VSTM4: variants seen among roughly 807,000 people sequenced by gnomAD.
VSTM4 encodes the protein V-set and transmembrane domain containing 4.
Under a neutral mutation model 36.4 loss-of-function variants are expected in VSTM4, and 20 were observed. The observed-to-expected ratio is 0.55, with a 90% CI of 0.39 to 0.80. VSTM4 has a LOEUF of 0.80. Ranked by LOEUF, VSTM4 falls within the 30% of genes least tolerant of loss-of-function variation. The pLI is 0.00. For synonymous variants in VSTM4, 182 were observed against 173.9 expected (o/e 1.05, Z -0.37); for missense variants, 392 against 404.5 (o/e 0.97, Z 0.26).
At chr10:49,080,967 T>C (rs1343192168) in intron 3 of VSTM4, among the ~76,000 whole-genome samples, 1 of 152,190 alleles carries the variant, frequency 6.6e-6, no homozygotes, top group Non-Finnish European at 1.5e-5. Flanking sequence ...TGGAGAACTC[T>C]GTGAGGGGTC....
chr10:49,102,503 C>T (rs1199377322), intron 2 of VSTM4: 22 of 985,284 alleles, frequency 2.2e-5, no homozygotes, highest in Middle Eastern at 5.2e-4. Flanking sequence ...ACGGCATGAC[C>T]ACATAATGTT....
intron 4 of VSTM4, among the ~76,000 whole-genome samples, chr10:49,072,714 G>A (rs1237088417): frequency 2.0e-5 from 3 of 152,174 alleles, no homozygotes; most frequent in Non-Finnish European, 4.4e-5. Context: ...CCTTGCTGGT[G>A]ACACCACAGG....
chr10:49,031,972 G>T (rs1165976685), intron 7 of VSTM4, among the ~76,000 whole-genome samples: 1 of 152,032 alleles, frequency 6.6e-6, no homozygotes, highest in Non-Finnish European at 1.5e-5. Flanking sequence ...TCTCCCCACA[G>T]AGCCATGTGT....
chr10:49,100,768 G>T (rs1844651867), intron 2 of VSTM4, among the ~76,000 whole-genome samples: 1 of 150,824 alleles, frequency 6.6e-6, no homozygotes, highest in African/African-American at 2.5e-5. Flanking sequence ...GCATCTTAAA[G>T]AAAAACTAAA....
chr10:49,045,751 G>C (rs1843598215), intron 7 of VSTM4, among the ~76,000 whole-genome samples: 2 of 152,148 alleles, frequency 1.3e-5, no homozygotes. Flanking sequence ...ACGTGATTGA[G>C]ATGAGCATCA....
rs1319366763 is a variant in VSTM4 at position 49,014,472 on chromosome 10, A to G, written c.*5178T>C. ...AAAACCTCCATGGCCACCCTTCCCC[A>G]CCACGCTGCGTGTTCAGGAAGAGTC... On this transcript the variant is annotated 3_prime_UTR_variant, in exon 8 of 8. Coordinates refer to ENST00000332853, the MANE Select transcript of VSTM4 (RefSeq NM_001031746.5). The G allele has an allele frequency of 1.3e-5, 2 of 151,966 alleles. No individual in the cohort carries two copies. The highest frequency in any genetic ancestry group is 1.3e-4 in the Admixed American group (2 of 15,228). 9.4% of individuals were successfully genotyped at this position (151,966 alleles called of 1,614,324 possible). A position where few individuals can be genotyped will look rare whatever the true frequency, so the allele number is the denominator to read the frequency against.
chr10:49,024,575 C>T (rs549383235), intron 7 of VSTM4, among the ~76,000 whole-genome samples: 8 of 152,222 alleles, frequency 5.3e-5, no homozygotes, highest in Admixed American at 2.0e-4. Context: ...GGGCCAGTTC[C>T]ATCACTGGAG....
At chr10:49,042,734 C>T (rs1843540448) in intron 7 of VSTM4, among the ~76,000 whole-genome samples, 1 of 152,188 alleles carries the variant, frequency 6.6e-6, no homozygotes, top group African/African-American at 2.4e-5. Flanking sequence ...AAACACATTT[C>T]TAAACATGAA....
chr10:49,061,064 T>C (rs1843868259), intron 5 of VSTM4, among the ~76,000 whole-genome samples: 1 of 152,222 alleles, frequency 6.6e-6, no homozygotes, highest in African/African-American at 2.4e-5. Context: ...TACTCTAGCA[T>C]TAGAATAAGT....
intron 3 of VSTM4, among the ~76,000 whole-genome samples, chr10:49,082,124 A>C (rs987450143): frequency 2.6e-5 from 4 of 152,186 alleles, no homozygotes; most frequent in Non-Finnish European, 5.9e-5. Flanking sequence ...AGCTAATGCA[A>C]AGCCCTGCCG....
At chr10:49,104,167 C>T (rs1462884736) in intron 2 of VSTM4, among the ~76,000 whole-genome samples, 7 of 152,052 alleles carry the variant, frequency 4.6e-5, no homozygotes, top group East Asian at 3.9e-4. Flanking sequence ...GGTGTGGTGG[C>T]GCATAGCTGT....
At chr10:49,101,663 G>A (rs896009220) in intron 2 of VSTM4, among the ~76,000 whole-genome samples, 4 of 152,198 alleles carry the variant, frequency 2.6e-5, no homozygotes, top group Admixed American at 6.5e-5. Flanking sequence ...AATTTGTAAA[G>A]TCTTTTCAGT....
intron 2 of VSTM4, 26 bp from the exon 3 acceptor site, chr10:49,086,049 A>G (rs776950856): frequency 3.6e-5 from 54 of 1,511,680 alleles, no homozygotes; most frequent in Middle Eastern, 1.7e-4. Context: ...GAAACAGCAC[A>G]GTATGAAAAA....
chr10:49,048,654 C>T, intron 5 of VSTM4, 70 bp from the exon 6 acceptor site: 1 of 1,205,792 alleles, frequency 8.3e-7, no homozygotes, highest in Non-Finnish European at 1.2e-6. Context: ...AAAAAAAAAA[C>T]CCACAATAGC....
chr10:49,060,004 G>A (rs1201592540), intron 5 of VSTM4, among the ~76,000 whole-genome samples: 2 of 152,118 alleles, frequency 1.3e-5, no homozygotes, highest in African/African-American at 2.4e-5. Context: ...ACTTACTATT[G>A]TTGGGGCTCA....
chr10:49,060,307 T>C (rs1426157085), intron 5 of VSTM4, among the ~76,000 whole-genome samples: 1 of 152,238 alleles, frequency 6.6e-6, no homozygotes, highest in Non-Finnish European at 1.5e-5. Context: ...GGCACAATTT[T>C]ATATTCCCAC....
intron 2 of VSTM4, among the ~76,000 whole-genome samples, chr10:49,086,574 G>T (rs556449939): frequency 6.6e-6 from 1 of 152,334 alleles, no homozygotes; most frequent in African/African-American, 2.4e-5. Flanking sequence ...CAGGGAAACA[G>T]AATTGAGTTA....
At chr10:49,037,460 T>TA (rs1843448934) in intron 7 of VSTM4, among the ~76,000 whole-genome samples, 1 of 152,240 alleles carries the variant, frequency 6.6e-6, no homozygotes, top group African/African-American at 2.4e-5. Flanking sequence ...GGACTCAGAC[T>TA]AAGTTCCAAC....
At chr10:49,051,351 C>T (rs1184462121) in intron 5 of VSTM4, among the ~76,000 whole-genome samples, 13 of 151,902 alleles carry the variant, frequency 8.6e-5, no homozygotes, top group Non-Finnish European at 1.9e-4. Context: ...TATGCAATTA[C>T]CCTTCCTCCG....
Sources: gnomAD v4.1 joint callset for allele counts (sites outside exome capture counted in the v4.1 genomes callset) on GRCh38, gnomAD v4.1.1 for gene constraint, MANE v1.5 for transcripts, NCBI Gene and HGNC (gene_info 2026-07-23, HGNC 2026-07-21) for gene names.